The following SYN3 variants were observed in gnomAD, a reference collection of about 807,000 sequenced individuals.
SYN3 encodes synapsin-3.
In SYN3, 35 loss-of-function variants were observed where a neutral mutation model predicts 65.8. The observed-to-expected ratio is 0.53, with a 90% CI of 0.41 to 0.70. SYN3 has a LOEUF of 0.70. Among genes scored for constraint, SYN3 ranks in the 30% least tolerant of loss-of-function variants. The pLI, the probability that SYN3 is intolerant of heterozygous loss-of-function variation, is 0.00. For missense variants in SYN3, 680 were observed against 749.0 expected, an observed-to-expected ratio of 0.91 and a Z score of 1.08; for synonymous variants, 270 against 292.9, an observed-to-expected ratio of 0.92 and a Z score of 0.80.
chr22:32,842,625 C>T (rs1445296859), intron 6 of SYN3, among the ~76,000 whole-genome samples: 1 of 152,116 alleles, frequency 6.6e-6, no homozygotes, highest in Non-Finnish European at 1.5e-5. Context: ...TTACAAAGTA[C>T]CTTTGTACAT....
At chr22:32,763,313 A>T (rs963970319) in intron 6 of SYN3, among the ~76,000 whole-genome samples, 8 of 148,860 alleles carry the variant, frequency 5.4e-5, no homozygotes, top group Admixed American at 3.4e-4. Context: ...CGCCTGGCTA[A>T]TTTTTTTTTT....
At chr22:32,619,532 G>A (rs2059566435) in intron 6 of SYN3, among the ~76,000 whole-genome samples, 1 of 152,180 alleles carries the variant, frequency 6.6e-6, no homozygotes, top group Non-Finnish European at 1.5e-5. Context: ...GAAATACTGT[G>A]TTACACTATG....
In SYN3 at chr22:32,685,751, C is replaced by G. The variant is rs1043443178; in HGVS notation, c.712-89015G>C. ...GACATAACCCAGTCATTAACTGATG[C>G]AATACTGTATAACATTCGCCTTGAC... On this transcript the variant is annotated intron_variant, in intron 6 of 13. Transcript: ENST00000358763. 1.4e-4 allele frequency among the ~76,000 whole-genome samples: 22 copies of G among 152,158 alleles called. 1 individual carries two copies. The highest frequency in any genetic ancestry group is 2.9e-4 in the Non-Finnish European group (20 of 68,040).
At chr22:32,863,984 T>G (rs1010945417) in intron 6 of SYN3, among the ~76,000 whole-genome samples, 1 of 152,182 alleles carries the variant, frequency 6.6e-6, no homozygotes, top group Non-Finnish European at 1.5e-5. Flanking sequence ...TCTTGCCCGA[T>G]CAGATACAGG....
chr22:32,894,773 G>C (rs535745571), intron 4 of SYN3, among the ~76,000 whole-genome samples: 24 of 152,312 alleles, frequency 1.6e-4, no homozygotes, highest in African/African-American at 5.3e-4. Flanking sequence ...GAGTAACACA[G>C]GTTGCCTGAG....
intron 6 of SYN3, among the ~76,000 whole-genome samples, chr22:32,832,550 T>TC (rs1234293933): frequency 6.6e-6 from 1 of 151,882 alleles, no homozygotes; most frequent in East Asian, 1.9e-4. Flanking sequence ...GGTTTTTTTT[T>TC]TTTTTCAAAA....
Position 32,931,425 on chromosome 22 carries a change from G to A in SYN3, c.426C>T (p.Asp142=). The A allele has an allele frequency of 3.1e-6, 5 of 1,613,912 alleles. No homozygotes were observed. The South Asian group carries it at 3.3e-5, about 11-fold the overall frequency. ...TGGTCCCATTTCTCACGACCTGCAT[G>A]TCCACCATGCAGCCCCCGGTCACAT... The part of the protein sequence containing the change: ...AAYVTGGCMV[D]MQVVRNGTKV... Residue 142 remains aspartate, a synonymous_variant, in exon 4 of 14, where the codon GAC becomes GAT. Coordinates refer to ENST00000358763, the MANE Select transcript of SYN3 (RefSeq NM_003490.4).
At chr22:32,521,048 C>A (rs1015572360) in intron 12 of SYN3, among the ~76,000 whole-genome samples, 1 of 152,196 alleles carries the variant, frequency 6.6e-6, no homozygotes, top group African/African-American at 2.4e-5. Context: ...TTACCTCTTT[C>A]ATGATTGTAT....
chr22:32,913,791 A>C (rs1332810936), intron 4 of SYN3, among the ~76,000 whole-genome samples: 1 of 152,228 alleles, frequency 6.6e-6, no homozygotes, highest in Non-Finnish European at 1.5e-5. Context: ...CTCTTTGTGC[A>C]GGCACAGTGG....
At chr22:32,907,989 A>C (rs1241190707) in intron 4 of SYN3, among the ~76,000 whole-genome samples, 1 of 152,240 alleles carries the variant, frequency 6.6e-6, no homozygotes, top group Non-Finnish European at 1.5e-5. Context: ...AAACTAATGC[A>C]CACAGAAGTT....
At chr22:32,683,734 G>A (rs1171659399) in intron 6 of SYN3, among the ~76,000 whole-genome samples, 3 of 152,174 alleles carry the variant, frequency 2.0e-5, no homozygotes, top group Non-Finnish European at 2.9e-5. Flanking sequence ...CTAATGCTCA[G>A]TACTTCAGAA....
chr22:32,640,230 A>T (rs1341092994), intron 6 of SYN3, among the ~76,000 whole-genome samples: 1 of 152,108 alleles, frequency 6.6e-6, no homozygotes, highest in Non-Finnish European at 1.5e-5. Flanking sequence ...CCATACTCCC[A>T]GGAATGAACC....
intron 6 of SYN3, among the ~76,000 whole-genome samples, chr22:32,754,399 G>A (rs916748189): frequency 2.0e-5 from 3 of 152,054 alleles, no homozygotes; most frequent in Admixed American, 6.5e-5. Flanking sequence ...TGATCTGCCC[G>A]CCTTGGCCTC....
intron 6 of SYN3, among the ~76,000 whole-genome samples, chr22:32,702,273 C>G (rs145797271): frequency 6.6e-6 from 1 of 151,986 alleles, no homozygotes; most frequent in African/African-American, 2.4e-5. Flanking sequence ...GTCAGGAGAT[C>G]GAGACCATCC....
At chr22:32,702,767 C>T (rs549555668) in intron 6 of SYN3, among the ~76,000 whole-genome samples, 1 of 152,132 alleles carries the variant, frequency 6.6e-6, no homozygotes, top group South Asian at 2.1e-4. Flanking sequence ...TTTAAGAGTA[C>T]CATAGTTCCT....
intron 6 of SYN3, among the ~76,000 whole-genome samples, chr22:32,829,532 G>A (rs1347316650): frequency 6.6e-6 from 1 of 152,220 alleles, no homozygotes; most frequent in Non-Finnish European, 1.5e-5. Flanking sequence ...CATCCCCACC[G>A]CAGCAGGGCT....
Position 32,762,499 on chromosome 22 carries a change from G to C in SYN3, c.711+102416C>G, listed in dbSNP as rs140168433. Among the ~76,000 whole-genome samples, 203 of 152,346 alleles carry C rather than the reference G, an allele frequency of 1.3e-3. 1 individual carries two copies. Among genetic ancestry groups the C allele is most frequent in the African/African-American group, 4.6e-3 (190 of 41,586 alleles). ...TTGGAAAAGGACCAACAAGATAAAA[G>C]GTTGTGGTGGAAATGGTGCCAGATT... On this transcript the variant is annotated intron_variant, in intron 6 of 13. Coordinates refer to ENST00000358763, the MANE Select transcript of SYN3 (RefSeq NM_003490.4).
chr22:32,565,767 A>G (rs2058664632), intron 7 of SYN3, among the ~76,000 whole-genome samples: 1 of 151,836 alleles, frequency 6.6e-6, no homozygotes, highest in Non-Finnish European at 1.5e-5. Flanking sequence ...GCTGGAGTGC[A>G]GTGGCACGAT....
chr22:32,703,644 A>T (rs543656919), intron 6 of SYN3, among the ~76,000 whole-genome samples: 154 of 152,126 alleles, frequency 1.0e-3, no homozygotes, highest in African/African-American at 3.5e-3. Flanking sequence ...CGCTTAAAAA[A>T]AAAAAAAAAA....
Sources: allele counts gnomAD v4.1 joint callset (sites outside exome capture counted in the v4.1 genomes callset), GRCh38; gene constraint gnomAD v4.1.1; transcripts MANE v1.5; gene names NCBI Gene and HGNC (gene_info 2026-07-23, HGNC 2026-07-21).